The following COL16A1 variants were observed in gnomAD, a reference collection of about 807,000 sequenced individuals.
The protein encoded by COL16A1 is collagen alpha-1(XVI) chain.
In COL16A1, 189 loss-of-function variants were observed where a neutral mutation model predicts 266.3. That is an observed-to-expected ratio of 0.71 (90% CI 0.63 to 0.80). COL16A1 has a LOEUF of 0.80. Ranked by LOEUF, COL16A1 falls within the 30% of genes least tolerant of loss-of-function variation. The probability of loss-of-function intolerance (pLI) is 0.00; values close to 1 mark genes in which losing one functional copy is unlikely to be tolerated. For missense variants in COL16A1, 1,928 were observed against 2,122.4 expected, an observed-to-expected ratio of 0.91 and a Z score of 1.80; for synonymous variants, 740 against 782.3, an observed-to-expected ratio of 0.95 and a Z score of 0.90.
At position 31,666,207 on chromosome 1, in the gene COL16A1, C is replaced by A. The variant is rs531575475; in HGVS notation, c.3358-126G>T. The A allele has an allele frequency of 1.8e-4, 182 of 1,001,410 alleles. 1 individual carries two copies. Among genetic ancestry groups the A allele is most frequent in the Non-Finnish European group, 2.5e-4 (169 of 686,628 alleles). 62.0% of individuals were successfully genotyped at this position (1,001,410 alleles called of 1,614,324 possible). A position where few individuals can be genotyped will look rare whatever the true frequency, so the allele number is the denominator to read the frequency against. On this transcript the variant is annotated intron_variant, in intron 52 of 70. Transcript: ENST00000373672. ...GCTGGGAGGCCCCTGGGCTGGCAGG[C>A]CCCCTCTGCCTGATCTGCTCAGGCT...
At position 31,652,450 on chromosome 1, in the gene COL16A1, G is replaced by A. The variant is rs942709668; in HGVS notation, c.*201C>T. The A allele has an allele frequency of 1.5e-5, 8 of 541,234 alleles. No homozygotes were observed. Among genetic ancestry groups the A allele is most frequent in the Middle Eastern group, 5.6e-4 (1 of 1,792 alleles). The allele number at this position is 541,234 out of a possible 1,614,324, so 33.5% of individuals were successfully genotyped here. A position where few individuals can be genotyped will look rare whatever the true frequency, so the allele number is the denominator to read the frequency against. Reference sequence around the variant, plus strand: ...CTAAACGGGAAAAGGAGGGCAACAGGGAGCTCTGGCTGCAGCACCAGAGGA... The same window carrying A: ...CTAAACGGGAAAAGGAGGGCAACAGAGAGCTCTGGCTGCAGCACCAGAGGA... On this transcript the variant is annotated 3_prime_UTR_variant, in exon 71 of 71. Coordinates refer to ENST00000373672, the MANE Select transcript of COL16A1 (RefSeq NM_001856.4). The surrounding 1 kb of genome is among the most constrained non-coding windows in gnomAD (Gnocchi z 4.8).
chr1:31,680,156 A>C, intron 39 of COL16A1, 55 bp from the exon 40 acceptor site: 1 of 1,588,194 alleles, frequency 6.3e-7, no homozygotes. Context: ...GCTCTCTTGA[A>C]ATGGACATCC....
intron 42 of COL16A1, among the ~76,000 whole-genome samples, chr1:31,678,274 G>C (rs1643351296): frequency 6.6e-6 from 1 of 152,312 alleles, no homozygotes; most frequent in African/African-American, 2.4e-5. Flanking sequence ...TCCATGTGAT[G>C]CTGCCCTGCT....
rs1250436955 is a variant in COL16A1, at chr1:31,679,667, C to G, written c.2737G>C (p.Gly913Arg). Residue 913 changes from glycine to arginine, a missense_variant, in exon 42 of 71, where the codon GGA becomes CGA. Coordinates refer to ENST00000373672, the MANE Select transcript of COL16A1 (RefSeq NM_001856.4). ...GGTACTCCAGGGGGGCCTGGTGGTCCGGGAATACCTGGTGGACCCTGAGGG... is the reference window on the plus strand; with the variant it reads ...GGTACTCCAGGGGGGCCTGGTGGTCGGGGAATACCTGGTGGACCCTGAGGG... ...PGPQGPPGIP[G>R]PPGPPGVPGL... 1 of 1,614,100 alleles carries G rather than the reference C, an allele frequency of 6.2e-7. No homozygotes were observed. Among genetic ancestry groups the G allele is most frequent in the Non-Finnish European group, 8.5e-7 (1 of 1,180,022 alleles).
At position 31,700,166 on chromosome 1, in the gene COL16A1, T is replaced by C. The variant is rs1283262556; in HGVS notation, c.74-51A>G. On this transcript the variant is annotated intron_variant, in intron 2 of 70. Transcript: ENST00000373672. ...TTAGGTGCGCTCAGGCCAAGGTTGC[T>C]GCACGGCTGGACGCCTGGGGAACCT... is the stretch of plus-strand genomic sequence containing the variant. 8 of 1,583,744 alleles carry C rather than the reference T, an allele frequency of 5.1e-6. No individual in the cohort carries two copies. The Admixed American group carries it at 1.2e-4, about 23-fold the overall frequency.
chr1:31,655,913 C>T (rs913217595), intron 66 of COL16A1: 8 of 289,084 alleles, frequency 2.8e-5, no homozygotes, highest in African/African-American at 4.5e-5. Context: ...CTATCCAGTG[C>T]ACCCCTCCTG....
chr1:31,653,592 T>G lies in COL16A1; in HGVS notation c.4612+7A>C, dbSNP rs1454348577. 6.2e-7 allele frequency: 1 copy of G among 1,613,042 alleles called. No homozygotes were observed. The highest frequency in any genetic ancestry group is 1.1e-5 in the South Asian group (1 of 91,006). On this transcript the variant is annotated splice_region_variant and intron_variant, in intron 70 of 70. Transcript: ENST00000373672. ...GATTCATGGTCTCAAATGGTGGTAT[T>G]TCCTACCTGGGGGGCCGGGAAGACC...
At chr1:31,695,980 G>A in intron 9 of COL16A1, 108 bp downstream of exon 9, 1 of 1,112,166 alleles carries the variant, frequency 9.0e-7, no homozygotes, top group Non-Finnish European at 1.4e-6. Context: ...CCAGGAGGTG[G>A]GAAAGGCGGG....
rs200649730 is a variant in COL16A1, at chr1:31,683,352, C to T, written c.2397G>A (p.Pro799=). Residue 799 remains proline, a synonymous_variant, in exon 35 of 71, where the codon CCG becomes CCA. Coordinates refer to ENST00000373672, the MANE Select transcript of COL16A1 (RefSeq NM_001856.4). The part of the protein sequence containing the change: ...VQGPQGEPGA[P]GLPGIQGLPG... ...GACGTACCTGAATGCCAGGCAAACC[C>T]GGGGCTCCAGGCTCCCCCTGCAAGT... The T allele has an allele frequency of 3.7e-6, 6 of 1,614,044 alleles. No homozygotes were observed. The highest frequency in any genetic ancestry group is 2.7e-5 in the African/African-American group (2 of 74,934).
Position 31,668,176 on chromosome 1 carries a change from G to T in COL16A1, c.3292C>A (p.Pro1098Thr). 1 of 1,612,802 alleles carries T rather than the reference G, an allele frequency of 6.2e-7. No individual in the cohort carries two copies. Among genetic ancestry groups the T allele is most frequent in the Non-Finnish European group, 8.5e-7 (1 of 1,179,372 alleles). ...QPGYPGATGP[P>T]GLPGIKGERG... ...GTCCCCTTACTCACAGGCAGTCCTG[G>T]GGGGCCCGTGGCACCTGGGTAACCT... is the stretch of plus-strand genomic sequence containing the variant. Residue 1098 changes from proline (P) to threonine (T), a missense_variant, in exon 51 of 71, where the codon CCA (proline) becomes ACA (threonine). By Grantham distance (38) the Pro-to-Thr change is conservative. This residue lies in a region of COL16A1 where 1,552 missense variants were observed against 1,637.2 expected (regional missense o/e 0.95). Transcript: ENST00000373672. The surrounding 1 kb of genome is among the most constrained non-coding windows in gnomAD (Gnocchi z 5.8).
chr1:31,652,893 C>T lies in COL16A1; in HGVS notation c.4613-40G>A. On this transcript the variant is annotated intron_variant, in intron 70 of 70. Transcript: ENST00000373672. The surrounding 1 kb of genome is among the most constrained non-coding windows in gnomAD (Gnocchi z 4.8). ...GCCACAGAGGGAAAATCAGAAGACCCAGATCATAAGGGAAAAGAAGCCATA... is the reference window on the plus strand; with the variant it reads ...GCCACAGAGGGAAAATCAGAAGACCTAGATCATAAGGGAAAAGAAGCCATA... 1 of 1,436,804 alleles carries T rather than the reference C, an allele frequency of 7.0e-7. No homozygotes were observed. Among genetic ancestry groups the T allele is most frequent in the Non-Finnish European group, 9.2e-7 (1 of 1,092,300 alleles). The allele number at this position is 1,436,804 out of a possible 1,614,324, so 89.0% of individuals were successfully genotyped here.
chr1:31,683,100 T>A (rs1643761630), intron 36 of COL16A1, 94 bp downstream of exon 36: 1 of 1,608,710 alleles, frequency 6.2e-7, no homozygotes, highest in Admixed American at 1.7e-5. Flanking sequence ...GGCAGCCCTC[T>A]GATAGGCATC....
chr1:31,685,986 C>T lies in COL16A1; in HGVS notation c.1884+105G>A. On this transcript the variant is annotated intron_variant, in intron 28 of 70. Transcript: ENST00000373672. The surrounding 1 kb of genome is among the most constrained non-coding windows in gnomAD (Gnocchi z 4.0). Reference sequence around the variant, plus strand: ...TGCCTTGCTAAGGAGTCAGACTCTGCCCGACAGACAGCAAGGAGCCCCAGA... The same window carrying T: ...TGCCTTGCTAAGGAGTCAGACTCTGTCCGACAGACAGCAAGGAGCCCCAGA... 1.3e-6 allele frequency: 2 copies of T among 1,542,920 alleles called. No homozygotes were observed. The highest frequency in any genetic ancestry group is 8.8e-7 in the Non-Finnish European group (1 of 1,137,170).
chr1:31,695,834 G>C (rs1004570848), intron 9 of COL16A1, 47 bp from the exon 10 acceptor site: 3 of 1,561,416 alleles, frequency 1.9e-6, no homozygotes, highest in Non-Finnish European at 2.6e-6. Flanking sequence ...AGCTCAGGGG[G>C]CCGAGCACTG....
chr1:31,654,485 G>A (rs1293112684), intron 68 of COL16A1, among the ~76,000 whole-genome samples: 5 of 152,052 alleles, frequency 3.3e-5, no homozygotes, highest in South Asian at 2.1e-4. Context: ...TTACAGTGCC[G>A]CTCGCCCCTG....
intron 2 of COL16A1, among the ~76,000 whole-genome samples, chr1:31,701,915 C>T (rs549444620): frequency 3.3e-5 from 5 of 152,166 alleles, no homozygotes; most frequent in Admixed American, 6.5e-5. Context: ...CATAAACGTA[C>T]GAAGACACAG....
chr1:31,674,975 A>G (rs1455661873), intron 44 of COL16A1, 32 bp downstream of exon 44: 2 of 1,608,974 alleles, frequency 1.2e-6, no homozygotes, highest in South Asian at 2.2e-5. Context: ...CACCCCCGCC[A>G]GCTCACACTT....
chr1:31,696,739 C>T (rs1644518471), intron 8 of COL16A1, among the ~76,000 whole-genome samples: 2 of 152,230 alleles, frequency 1.3e-5, no homozygotes, highest in Admixed American at 1.3e-4. Flanking sequence ...CCACTCTCAA[C>T]ACCCATAGGT....
chr1:31,665,729 T>C, intron 54 of COL16A1, 111 bp from the exon 55 acceptor site: 1 of 1,590,214 alleles, frequency 6.3e-7, no homozygotes, highest in Non-Finnish European at 8.6e-7. Flanking sequence ...GGCTTTGCCC[T>C]CCCCTCTGCC....
Sources: allele counts gnomAD v4.1 joint callset (sites outside exome capture counted in the v4.1 genomes callset), GRCh38; gene constraint gnomAD v4.1.1; regional missense constraint gnomAD v4.1.1; non-coding constraint Gnocchi (gnomAD v3.1); transcripts MANE v1.5; gene names NCBI Gene and HGNC (gene_info 2026-07-23, HGNC 2026-07-21).